PRELID2: variants seen among roughly 807,000 people sequenced by gnomAD.
The protein encoded by PRELID2 is PRELI domain containing 2, also known as PRELI domain-containing protein 2.
A neutral mutation model predicts 28.4 loss-of-function variants in PRELID2; 25 were observed. The ratio of observed to expected loss-of-function variants is 0.88; its 90% CI spans 0.64 to 1.23. The LOEUF is 1.23. PRELID2 is among the 50% of genes most tolerant of loss of function. PRELID2 has a pLI of 0.00. For missense variants in PRELID2, 201 were observed against 214.4 expected, an observed-to-expected ratio of 0.94 and a Z score of 0.39; for synonymous variants, 76 against 71.6, an observed-to-expected ratio of 1.06 and a Z score of -0.31.
chr5:145,763,670 T>C (rs1463171809), intron 6 of PRELID2, among the ~76,000 whole-genome samples: 1 of 152,230 alleles, frequency 6.6e-6, no homozygotes, highest in African/African-American at 2.4e-5. Flanking sequence ...CCAGGTTGCT[T>C]ACACAAGACT....
chr5:145,437,583 C>A, the PRELID2 span, among the ~76,000 whole-genome samples: 1 of 152,154 alleles, frequency 6.6e-6, no homozygotes, highest in African/African-American at 2.4e-5. Flanking sequence ...GACAGTATTT[C>A]GTGGGAGGGA....
At chr5:145,465,166 T>C in the PRELID2 span, among the ~76,000 whole-genome samples, 2 of 152,132 alleles carry the variant, frequency 1.3e-5, no homozygotes, top group African/African-American at 2.4e-5. Context: ...AAATTAATAG[T>C]GTAGTTTTCC....
chr5:145,734,894 C>T (rs761405593), intron 1 of PRELID2, among the ~76,000 whole-genome samples: 2 of 152,134 alleles, frequency 1.3e-5, no homozygotes, highest in Non-Finnish European at 2.9e-5. Flanking sequence ...TTTTAAGGCT[C>T]CTGCTGAATC....
intron 1 of PRELID2, among the ~76,000 whole-genome samples, chr5:145,476,002 T>C (rs997143753): frequency 1.3e-5 from 2 of 152,232 alleles, no homozygotes; most frequent in African/African-American, 4.8e-5. Context: ...TATCCTGCAA[T>C]GCTTATGGAT....
intron 1 of PRELID2, among the ~76,000 whole-genome samples, chr5:145,720,845 T>A (rs1405956890): frequency 1.3e-5 from 2 of 152,046 alleles, no homozygotes; most frequent in Non-Finnish European, 2.9e-5. Flanking sequence ...GCATTGATTG[T>A]TGTATAGAAG....
chr5:145,284,964 G>A, the PRELID2 span, among the ~76,000 whole-genome samples: 2 of 152,054 alleles, frequency 1.3e-5, no homozygotes, highest in African/African-American at 4.8e-5. Flanking sequence ...AACTTACTAT[G>A]TGCCAGGCAC....
chr5:145,321,194 C>T, the PRELID2 span, among the ~76,000 whole-genome samples: 1 of 152,038 alleles, frequency 6.6e-6, no homozygotes, highest in African/African-American at 2.4e-5. Context: ...GGAAGAAACC[C>T]GTTAATGATT....
At chr5:145,425,713 T>A in the PRELID2 span, among the ~76,000 whole-genome samples, 1 of 152,206 alleles carries the variant, frequency 6.6e-6, no homozygotes, top group South Asian at 2.1e-4. Context: ...GATGAAAACA[T>A]ATGGACACAT....
chr5:145,766,961 A>C (rs1378680810), intron 5 of PRELID2, among the ~76,000 whole-genome samples: 3 of 152,134 alleles, frequency 2.0e-5, no homozygotes, highest in African/African-American at 7.2e-5. Context: ...TATGTGTGTA[A>C]CATACTTCAT....
the PRELID2 span, among the ~76,000 whole-genome samples, chr5:145,448,922 G>T: frequency 2.0e-5 from 3 of 152,100 alleles, no homozygotes; most frequent in Non-Finnish European, 4.4e-5. Context: ...GCTCTCAGTT[G>T]CAAGTGACAG....
chr5:145,256,718 T>A, the PRELID2 span, among the ~76,000 whole-genome samples: 11,741 of 151,948 alleles, frequency 0.077, 1,083 homozygotes, highest in African/African-American at 0.21. Flanking sequence ...CTAAGATTTT[T>A]AAAAATTCTT....
At chr5:145,694,968 C>T (rs1755227816) in intron 1 of PRELID2, among the ~76,000 whole-genome samples, 1 of 152,146 alleles carries the variant, frequency 6.6e-6, no homozygotes, top group African/African-American at 2.4e-5. Flanking sequence ...AGTATTCCAT[C>T]ACCCCCCACA....
the PRELID2 span, among the ~76,000 whole-genome samples, chr5:145,395,533 T>A: frequency 6.6e-6 from 1 of 152,152 alleles, no homozygotes; most frequent in Admixed American, 6.5e-5. Flanking sequence ...TGCAAAGGAA[T>A]CAACCAGACT....
At chr5:145,810,845 T>C (rs1004901306) in intron 4 of PRELID2, among the ~76,000 whole-genome samples, 9 of 152,142 alleles carry the variant, frequency 5.9e-5, no homozygotes, top group Non-Finnish European at 1.3e-4. Flanking sequence ...AGTAGAGAAG[T>C]GACACAAATT....
intron 1 of PRELID2, among the ~76,000 whole-genome samples, chr5:145,828,247 A>G (rs1336118282): frequency 2.0e-5 from 3 of 152,178 alleles, no homozygotes; most frequent in African/African-American, 7.2e-5. Flanking sequence ...AAAGGAAACA[A>G]TTTAATTACA....
the PRELID2 span, among the ~76,000 whole-genome samples, chr5:145,341,582 A>G: frequency 1.3e-5 from 2 of 152,108 alleles, no homozygotes; most frequent in Non-Finnish European, 2.9e-5. Flanking sequence ...ACAACCAGGT[A>G]TAAATTCTGG....
At chr5:145,263,573 T>G in the PRELID2 span, among the ~76,000 whole-genome samples, 3 of 151,604 alleles carry the variant, frequency 2.0e-5, no homozygotes, top group East Asian at 5.8e-4. Context: ...TAAAAAAAAT[T>G]GATAGACCAT....
intron 1 of PRELID2, among the ~76,000 whole-genome samples, chr5:145,520,930 A>G (rs868518520): frequency 6.6e-6 from 1 of 152,184 alleles, no homozygotes; most frequent in Non-Finnish European, 1.5e-5. Context: ...CTGAGTATAT[A>G]TAATTGAGCA....
chr5:145,387,156 C>G, the PRELID2 span, among the ~76,000 whole-genome samples: 1 of 152,126 alleles, frequency 6.6e-6, no homozygotes, highest in Admixed American at 6.6e-5. Context: ...CTAAATGGTT[C>G]AATTTGTGAT....
Sources: allele counts gnomAD v4.1 joint callset (sites outside exome capture counted in the v4.1 genomes callset), GRCh38; gene constraint gnomAD v4.1.1; transcripts MANE v1.5; gene names NCBI Gene and HGNC (gene_info 2026-07-23, HGNC 2026-07-21).